Variants in GLI3 observed in about 807,000 individuals in gnomAD.
GLI3 encodes the protein GLI family zinc finger 3.
In GLI3, 20 loss-of-function variants were observed where a neutral mutation model predicts 100.8. The observed-to-expected ratio is 0.20, with a 90% CI of 0.14 to 0.29. The LOEUF (loss-of-function observed/expected upper bound fraction) is 0.29, where lower values mean the gene tolerates loss of function less well. Ranked by LOEUF, GLI3 falls within the 10% of genes least tolerant of loss-of-function variation. The pLI, the probability that GLI3 is intolerant of heterozygous loss-of-function variation, is 1.00. For synonymous variants in GLI3, 938 were observed against 860.5 expected (o/e 1.09, Z -1.58); for missense variants, 2,040 against 2,128.5 (o/e 0.96, Z 0.82).
At chr7:41,992,560 G>C (rs1250054742) in intron 10 of GLI3, among the ~76,000 whole-genome samples, 1 of 152,104 alleles carries the variant, frequency 6.6e-6, no homozygotes, top group Non-Finnish European at 1.5e-5. Flanking sequence ...GTATTTTAAA[G>C]ATTTCACAAA....
Position 41,972,472 on chromosome 7 carries a change from G to C in GLI3, c.1968C>G (p.Ser656=). Reference sequence around the variant, plus strand: ...GCGACCTGGACTGTGAATGGCTGCCGGAATCTCTCGGGGGTGGCGGCCGAG... The same window carrying C: ...GCGACCTGGACTGTGAATGGCTGCCCGAATCTCTCGGGGGTGGCGGCCGAG... ...IHPRPPPPRD[S]GSHSQSRSPG... The change falls in exon 13 of 15, where the codon TCC becomes TCG. Residue 656 remains serine (S), a synonymous_variant. Coordinates refer to ENST00000395925, the MANE Select transcript of GLI3 (RefSeq NM_000168.6). The surrounding 1 kb of genome is among the most constrained non-coding windows in gnomAD (Gnocchi z 4.4). 1 of 1,613,726 alleles carries C rather than the reference G, an allele frequency of 6.2e-7. No individual in the cohort carries two copies. The highest frequency in any genetic ancestry group is 8.5e-7 in the Non-Finnish European group (1 of 1,180,008).
intron 10 of GLI3, among the ~76,000 whole-genome samples, chr7:42,019,576 C>A (rs1375704542): frequency 1.3e-5 from 2 of 152,042 alleles, no homozygotes; most frequent in Non-Finnish European, 2.9e-5. Flanking sequence ...CCAAACGACA[C>A]TTTGAGAGTG....
intron 3 of GLI3, among the ~76,000 whole-genome samples, chr7:42,099,017 T>C (rs1364412989): frequency 6.6e-6 from 1 of 151,950 alleles, no homozygotes; most frequent in Non-Finnish European, 1.5e-5. Flanking sequence ...GCCCTGAGAG[T>C]GGCTCTATCC....
At chr7:42,113,529 C>T in intron 3 of GLI3, 1 of 1,173,884 alleles carries the variant, frequency 8.5e-7, no homozygotes, top group Admixed American at 1.7e-5. Context: ...AAGGGAAAAG[C>T]TGATGCTGGC....
At chr7:41,984,475 T>C (rs1787758257) in intron 10 of GLI3, among the ~76,000 whole-genome samples, 1 of 152,246 alleles carries the variant, frequency 6.6e-6, no homozygotes, top group East Asian at 1.9e-4. Flanking sequence ...TCTAAGTGAC[T>C]TCTTCAGAAT....
At chr7:42,015,244 G>C (rs181022088) in intron 10 of GLI3, among the ~76,000 whole-genome samples, 32 of 152,208 alleles carry the variant, frequency 2.1e-4, no homozygotes, top group African/African-American at 7.7e-4. Flanking sequence ...CACATTATCT[G>C]GTGTTCTTCC....
chr7:42,029,911 G>A (rs747357108), intron 7 of GLI3, among the ~76,000 whole-genome samples: 6 of 152,210 alleles, frequency 3.9e-5, no homozygotes, highest in African/African-American at 7.2e-5. Context: ...CAGCTGGGCC[G>A]GGCAGTGTGC....
chr7:42,220,533 G>A (rs1031605316), intron 2 of GLI3, among the ~76,000 whole-genome samples: 68 of 152,204 alleles, frequency 4.5e-4, no homozygotes, highest in African/African-American at 1.6e-3. Flanking sequence ...TCAAGACTGA[G>A]TGCAGAGGCA....
At chr7:41,969,849 G>C (rs1454738356) in intron 13 of GLI3, among the ~76,000 whole-genome samples, 2 of 152,210 alleles carry the variant, frequency 1.3e-5, no homozygotes, top group East Asian at 3.9e-4. Context: ...TGCACATCTG[G>C]TCTAAGGATG....
chr7:42,111,361 CTCAAGGGGTCAGA>C (rs1464115864), intron 3 of GLI3, among the ~76,000 whole-genome samples: 1 of 152,118 alleles, frequency 6.6e-6, no homozygotes, highest in Non-Finnish European at 1.5e-5. Context: ...TGCAAGGTAG[CTCAAGGGGTCAGA>C]TCAAGGGGTC....
At chr7:42,146,696 G>A (rs1416538694) in intron 3 of GLI3, among the ~76,000 whole-genome samples, 1 of 152,102 alleles carries the variant, frequency 6.6e-6, no homozygotes, top group Non-Finnish European at 1.5e-5. Flanking sequence ...CTACTACTGG[G>A]GTCTATAAAT....
intron 3 of GLI3, among the ~76,000 whole-genome samples, chr7:42,122,238 T>C (rs1786020071): frequency 7.4e-6 from 1 of 135,756 alleles, no homozygotes; most frequent in Non-Finnish European, 1.5e-5. Context: ...TATATATGTA[T>C]TTTATTGAAA....
chr7:42,138,547 G>T (rs115864604), intron 3 of GLI3, among the ~76,000 whole-genome samples: 2,963 of 152,288 alleles, frequency 0.019, 95 homozygotes, highest in African/African-American at 0.068. Context: ...AGCTACCATT[G>T]TATGTTAGTT....
At chr7:42,200,335 T>C (rs1788012851) in intron 2 of GLI3, among the ~76,000 whole-genome samples, 1 of 152,088 alleles carries the variant, frequency 6.6e-6, no homozygotes. Flanking sequence ...GAACAGACAG[T>C]GAACATTCAA....
At chr7:41,967,520 A>T in intron 14 of GLI3, 76 bp downstream of exon 14, 2 of 1,019,654 alleles carry the variant, frequency 2.0e-6, no homozygotes, top group Non-Finnish European at 3.0e-6. Flanking sequence ...ACTAGCAAAC[A>T]TAAAACTGAG....
intron 10 of GLI3, among the ~76,000 whole-genome samples, chr7:42,012,309 C>G (rs1788637087): frequency 6.6e-6 from 1 of 152,158 alleles, no homozygotes; most frequent in Non-Finnish European, 1.5e-5. Flanking sequence ...CTTTCCTCTG[C>G]CGGCTTATCA....
chr7:42,109,730 C>T (rs1469340916), intron 3 of GLI3, among the ~76,000 whole-genome samples: 12 of 152,190 alleles, frequency 7.9e-5, no homozygotes, highest in South Asian at 4.1e-4. Flanking sequence ...GATGAAGAGA[C>T]GCCTACTGAC....
chr7:42,110,145 G>GT (rs1420056605), intron 3 of GLI3, among the ~76,000 whole-genome samples: 1 of 152,118 alleles, frequency 6.6e-6, no homozygotes, highest in East Asian at 1.9e-4. Flanking sequence ...AAAATTCTGT[G>GT]TAACAAAAAG....
intron 2 of GLI3, among the ~76,000 whole-genome samples, chr7:42,155,579 T>G (rs1410818852): frequency 6.6e-6 from 1 of 152,158 alleles, no homozygotes; most frequent in East Asian, 1.9e-4. Context: ...TGGCTTCCAC[T>G]GGAAACCATT....
Sources: allele counts gnomAD v4.1 joint callset (sites outside exome capture counted in the v4.1 genomes callset), GRCh38; gene constraint gnomAD v4.1.1; non-coding constraint Gnocchi (gnomAD v3.1); transcripts MANE v1.5; gene names NCBI Gene and HGNC (gene_info 2026-07-23, HGNC 2026-07-21).